The following DOCK4 variants were observed in gnomAD, a reference collection of about 807,000 sequenced individuals.
The protein encoded by DOCK4 is dedicator of cytokinesis protein 4.
In DOCK4, 97 loss-of-function variants were observed where a neutral mutation model predicts 268.1. The ratio of observed to expected loss-of-function variants is 0.36; its 90% CI spans 0.31 to 0.43. The LOEUF (loss-of-function observed/expected upper bound fraction) is 0.43, where lower values mean the gene tolerates loss of function less well. DOCK4 is among the 20% of genes least tolerant of loss of function. The probability of loss-of-function intolerance (pLI) is 1.00; values close to 1 mark genes in which losing one functional copy is unlikely to be tolerated. For synonymous variants in DOCK4, 954 were observed against 887.2 expected (o/e 1.08, Z -1.34); for missense variants, 2,145 against 2,455.7 (o/e 0.87, Z 2.67).
At chr7:111,983,844 A>ATGCGCG (rs1554402959) in intron 7 of DOCK4, among the ~76,000 whole-genome samples, 1 of 138,940 alleles carries the variant, frequency 7.2e-6, no homozygotes, top group African/African-American at 2.9e-5. Context: ...GTACACACAC[A>ATGCGCG]CGCGCGCGCG....
intron 49 of DOCK4, among the ~76,000 whole-genome samples, 194 bp downstream of exon 49, chr7:111,738,939 GA>G (rs199522008): frequency 0.022 from 3,015 of 136,754 alleles, 119 homozygotes; most frequent in East Asian, 0.14. Flanking sequence ...CTGTCTCAAA[GA>G]AAAAAAAAAA....
chr7:112,052,274 A>ATG (rs1156319591), intron 1 of DOCK4, among the ~76,000 whole-genome samples: 2 of 152,252 alleles, frequency 1.3e-5, no homozygotes, highest in African/African-American at 4.8e-5. Context: ...TGTTGACTGT[A>ATG]TGTGTGTGTG....
Position 112,056,365 on chromosome 7 carries a change from C to T in DOCK4, c.38-52234G>A, listed in dbSNP as rs553065569. On this transcript the variant is annotated intron_variant, in intron 1 of 52. Transcript: ENST00000428084. ...AAATAAGTGTATGCTTTTAAATATG[C>T]TAAATGTACTATACAAAATAGATAA... Among the ~76,000 whole-genome samples the T allele has an allele frequency of 1.1e-4, 17 of 152,074 alleles. No individual in the cohort carries two copies. In the South Asian group the frequency reaches 3.3e-3, roughly 30 times the overall value.
At chr7:112,198,569 C>T (rs1023525569) in intron 1 of DOCK4, among the ~76,000 whole-genome samples, 1 of 152,176 alleles carries the variant, frequency 6.6e-6, no homozygotes, top group Non-Finnish European at 1.5e-5. Flanking sequence ...GGACTTATCT[C>T]TCACCTCAGT....
intron 30 of DOCK4, among the ~76,000 whole-genome samples, chr7:111,799,379 A>G (rs898775864): frequency 2.6e-5 from 4 of 152,242 alleles, no homozygotes; most frequent in African/African-American, 9.6e-5. Context: ...CACAACTAGC[A>G]GAAGCCCAAC....
At chr7:111,928,893 T>C (rs1167836195) in intron 12 of DOCK4, among the ~76,000 whole-genome samples, 1 of 152,148 alleles carries the variant, frequency 6.6e-6, no homozygotes, top group Non-Finnish European at 1.5e-5. Flanking sequence ...CTGGCTAGGA[T>C]TTTCTTTTGT....
intron 1 of DOCK4, among the ~76,000 whole-genome samples, chr7:112,115,830 G>C (rs1812097268): frequency 6.6e-6 from 1 of 152,124 alleles, no homozygotes; most frequent in Non-Finnish European, 1.5e-5. Context: ...ACAGGTACAA[G>C]TCAAAATGCC....
chr7:112,118,133 A>AATATAT (rs71867772), intron 1 of DOCK4, among the ~76,000 whole-genome samples: 2 of 148,544 alleles, frequency 1.3e-5, no homozygotes, highest in East Asian at 2.0e-4. Context: ...TCTTATTTAT[A>AATATAT]ATATATATAT....
intron 30 of DOCK4, among the ~76,000 whole-genome samples, chr7:111,807,065 C>T (rs988976285): frequency 1.3e-5 from 2 of 152,160 alleles, no homozygotes; most frequent in African/African-American, 4.8e-5. Context: ...GGTTTGGATA[C>T]AGGTTTATGT....
chr7:112,186,736 G>A (rs943607072), intron 1 of DOCK4, among the ~76,000 whole-genome samples: 1 of 151,996 alleles, frequency 6.6e-6, no homozygotes, highest in African/African-American at 2.4e-5. Context: ...AGAAACCACT[G>A]CATTTGGACC....
chr7:111,941,236 G>A lies in DOCK4; in HGVS notation c.845-994C>T, dbSNP rs552984221. 5.9e-5 allele frequency among the ~76,000 whole-genome samples: 9 copies of A among 152,280 alleles called. No homozygotes were observed. The East Asian group carries it at 1.5e-3, about 26-fold the overall frequency. On this transcript the variant is annotated intron_variant, in intron 10 of 52. Coordinates refer to ENST00000428084, the MANE Select transcript of DOCK4 (RefSeq NM_001363540.2). ...CAGCTGCTTTTCAGATGTGCAAAAT[G>A]TAAGAATTTAAAATATCAGGTTGTC...
At chr7:112,202,573 C>T (rs1821039136) in intron 1 of DOCK4, among the ~76,000 whole-genome samples, 1 of 151,990 alleles carries the variant, frequency 6.6e-6, no homozygotes. Flanking sequence ...ACACTGTACA[C>T]CATAAATATA....
At chr7:112,005,819 C>A (rs1414305580) in intron 1 of DOCK4, among the ~76,000 whole-genome samples, 1 of 152,180 alleles carries the variant, frequency 6.6e-6, no homozygotes, top group Non-Finnish European at 1.5e-5. Flanking sequence ...GCTCTCCTCT[C>A]TTTTTCCTCA....
At chr7:112,190,013 T>A (rs572514101) in intron 1 of DOCK4, among the ~76,000 whole-genome samples, 7 of 152,304 alleles carry the variant, frequency 4.6e-5, no homozygotes, top group Non-Finnish European at 8.8e-5. Flanking sequence ...AACACTTGTT[T>A]TCCTCTGTGG....
At chr7:112,014,944 A>G (rs973262224) in intron 1 of DOCK4, among the ~76,000 whole-genome samples, 1 of 152,116 alleles carries the variant, frequency 6.6e-6, no homozygotes, top group African/African-American at 2.4e-5. Context: ...AAAGGAAGAA[A>G]GAAGAATTGT....
intron 1 of DOCK4, among the ~76,000 whole-genome samples, chr7:112,104,490 A>C (rs1177426260): frequency 6.6e-6 from 1 of 152,206 alleles, no homozygotes; most frequent in Non-Finnish European, 1.5e-5. Context: ...ATGGCTTATG[A>C]AACTTGGCTC....
At chr7:112,081,615 A>C (rs1364284756) in intron 1 of DOCK4, among the ~76,000 whole-genome samples, 1 of 152,124 alleles carries the variant, frequency 6.6e-6, no homozygotes, top group Non-Finnish European at 1.5e-5. Flanking sequence ...TCCCTTTCTT[A>C]TTTTACGTAC....
rs533074060 is a variant in DOCK4 at position 112,083,201 on chromosome 7, A to G, written c.38-79070T>C. 2.0e-5 allele frequency among the ~76,000 whole-genome samples: 3 copies of G among 152,256 alleles called. No individual in the cohort carries two copies. In the South Asian group the frequency reaches 6.2e-4, roughly 32 times the overall value. Reference sequence around the variant, plus strand: ...GCAGATTAATTATGAATTAGGAATCAGTAGAATTTTTTATTAATATGATCT... The same window carrying G: ...GCAGATTAATTATGAATTAGGAATCGGTAGAATTTTTTATTAATATGATCT... On this transcript the variant is annotated intron_variant, in intron 1 of 52. Coordinates refer to ENST00000428084, the MANE Select transcript of DOCK4 (RefSeq NM_001363540.2).
At chr7:111,873,119 T>A (rs1325326632) in intron 17 of DOCK4, among the ~76,000 whole-genome samples, 3 of 152,168 alleles carry the variant, frequency 2.0e-5, no homozygotes, top group African/African-American at 7.2e-5. Flanking sequence ...AGTGATTTCT[T>A]AGATCATCCA....
Sources: allele counts gnomAD v4.1 joint callset (sites outside exome capture counted in the v4.1 genomes callset), GRCh38; gene constraint gnomAD v4.1.1; transcripts MANE v1.5; gene names NCBI Gene and HGNC (gene_info 2026-07-23, HGNC 2026-07-21).